Variants in ASPRV1 observed in about 807,000 individuals in gnomAD.
ASPRV1 encodes retroviral-like aspartic protease 1.
In ASPRV1, 7 loss-of-function variants were observed where a neutral mutation model predicts 11.0. The ratio of observed to expected loss-of-function variants is 0.64; its 90% CI spans 0.36 to 1.20. ASPRV1 has a LOEUF of 1.20. Ranked by LOEUF, ASPRV1 falls within the 50% of genes most tolerant of loss-of-function variation. The probability of loss-of-function intolerance (pLI) is 0.02; values close to 1 mark genes in which losing one functional copy is unlikely to be tolerated. For missense variants in ASPRV1, 299 were observed against 320.0 expected (o/e 0.93, Z 0.50); for synonymous variants, 136 against 138.4 (o/e 0.98, Z 0.12).
At chr2:69,951,795 T>C in the ASPRV1 span, among the ~76,000 whole-genome samples, 1 of 152,100 alleles carries the variant, frequency 6.6e-6, no homozygotes, top group Non-Finnish European at 1.5e-5. Context: ...TCCTAGTTTA[T>C]TTTCAGCCAA....
the ASPRV1 span, among the ~76,000 whole-genome samples, chr2:70,003,798 G>C: frequency 2.6e-5 from 4 of 152,236 alleles, no homozygotes; most frequent in Non-Finnish European, 5.9e-5. Context: ...GGCCTGAGAA[G>C]TGATCAGGCC....
At chr2:69,988,958 G>A in the ASPRV1 span, 1 of 319,800 alleles carries the variant, frequency 3.1e-6, no homozygotes, top group East Asian at 8.3e-5. Flanking sequence ...AATTTTATTT[G>A]ACAAAAAGGC....
chr2:69,947,143 C>A, the ASPRV1 span, among the ~76,000 whole-genome samples: 1 of 152,182 alleles, frequency 6.6e-6, no homozygotes, highest in Non-Finnish European at 1.5e-5. Flanking sequence ...TGTGATGATT[C>A]TTGGCTACTT....
chr2:69,944,237 GC>G, the ASPRV1 span, among the ~76,000 whole-genome samples: 2 of 152,220 alleles, frequency 1.3e-5, no homozygotes, highest in African/African-American at 4.8e-5. Context: ...TAGAAAGACA[GC>G]TTTCACATAA....
At chr2:70,058,303 C>G in the ASPRV1 span, among the ~76,000 whole-genome samples, 2 of 152,090 alleles carry the variant, frequency 1.3e-5, no homozygotes, top group Non-Finnish European at 2.9e-5. Flanking sequence ...GAGTTAACCT[C>G]CACCTCTTGG....
the ASPRV1 span, among the ~76,000 whole-genome samples, chr2:70,076,635 A>T: frequency 6.6e-6 from 1 of 152,224 alleles, no homozygotes; most frequent in African/African-American, 2.4e-5. Flanking sequence ...AGCCTACCAA[A>T]CATCATAGCT....
chr2:70,032,725 T>C, the ASPRV1 span, among the ~76,000 whole-genome samples: 1 of 152,176 alleles, frequency 6.6e-6, no homozygotes, highest in Non-Finnish European at 1.5e-5. Context: ...TGTGTAAGAC[T>C]TTGCCCAACC....
the ASPRV1 span, among the ~76,000 whole-genome samples, chr2:70,004,591 C>T: frequency 6.0e-4 from 91 of 150,644 alleles, no homozygotes; most frequent in African/African-American, 2.1e-3. Flanking sequence ...GGTCTCATGG[C>T]AGGACACTAC....
the ASPRV1 span, among the ~76,000 whole-genome samples, chr2:69,944,154 G>A: frequency 6.6e-6 from 1 of 152,202 alleles, no homozygotes; most frequent in Non-Finnish European, 1.5e-5. Flanking sequence ...CTCAACAAAA[G>A]CTACGTTCTC....
the ASPRV1 span, among the ~76,000 whole-genome samples, chr2:70,075,470 T>TA: frequency 6.6e-6 from 1 of 151,760 alleles, no homozygotes; most frequent in East Asian, 1.9e-4. Context: ...TTCAACTCTA[T>TA]AAAACGGGGA....
At chr2:70,004,528 CAAAAAAAAAAA>C in the ASPRV1 span, among the ~76,000 whole-genome samples, 5 of 54,640 alleles carry the variant, frequency 9.2e-5, no homozygotes, top group Non-Finnish European at 2.0e-4. Context: ...AACTCCATCT[CAAAAAAAAAAA>C]AAAAAAAAAA....
chr2:69,971,424 G>A, the ASPRV1 span: 1 of 152,016 alleles, frequency 6.6e-6, no homozygotes, highest in Admixed American at 6.6e-5. Context: ...GATGACTAAG[G>A]GCTCCCAGCA....
downstream of ASPRV1, among the ~76,000 whole-genome samples, chr2:69,956,374 G>A (rs114963145): frequency 0.013 from 1,917 of 151,354 alleles, 39 homozygotes; most frequent in South Asian, 0.037. Flanking sequence ...CTTGAGCCCA[G>A]GAGTTTGAGA....
At chr2:69,948,259 C>T in the ASPRV1 span, among the ~76,000 whole-genome samples, 1 of 152,116 alleles carries the variant, frequency 6.6e-6, no homozygotes. Flanking sequence ...AACAAACAAT[C>T]AAAATTAATC....
At chr2:70,014,406 C>T in the ASPRV1 span, among the ~76,000 whole-genome samples, 4 of 151,816 alleles carry the variant, frequency 2.6e-5, no homozygotes, top group Non-Finnish European at 5.9e-5. Context: ...AATAAGCCCA[C>T]AAAAAGATGC....
the ASPRV1 span, chr2:69,937,446 A>AACAG: frequency 7.6e-7 from 1 of 1,317,690 alleles, no homozygotes; most frequent in Non-Finnish European, 1.0e-6. Context: ...CCAACCCCAG[A>AACAG]GCAGGGGTTC....
chr2:69,957,577 CA>C (rs1677968727), downstream of ASPRV1, among the ~76,000 whole-genome samples: 1 of 151,610 alleles, frequency 6.6e-6, no homozygotes, highest in South Asian at 2.1e-4. Context: ...CAGGGCTTTT[CA>C]AACTCTTATG....
chr2:69,964,431 G>T, upstream of ASPRV1: 2 of 422,916 alleles, frequency 4.7e-6, no homozygotes, highest in South Asian at 3.4e-5. Flanking sequence ...TCTCTGGCTA[G>T]GATCAGGAAC....
the ASPRV1 span, among the ~76,000 whole-genome samples, chr2:69,993,165 T>C: frequency 2.0e-5 from 3 of 152,310 alleles, no homozygotes; most frequent in East Asian, 3.9e-4. Flanking sequence ...TGGGCTGCCC[T>C]GGCTCAGGCC....
Sources: gnomAD v4.1 joint callset for allele counts (sites outside exome capture counted in the v4.1 genomes callset) on GRCh38, gnomAD v4.1.1 for gene constraint, MANE v1.5 for transcripts, NCBI Gene and HGNC (gene_info 2026-07-23, HGNC 2026-07-21) for gene names.